Variants in UNC5D observed in about 807,000 individuals in gnomAD.
The protein encoded by UNC5D is unc-5 netrin receptor D.
Under a neutral mutation model 105.4 loss-of-function variants are expected in UNC5D, and 39 were observed. The ratio of observed to expected loss-of-function variants is 0.37; its 90% CI spans 0.29 to 0.48. The LOEUF (loss-of-function observed/expected upper bound fraction) is 0.48, where lower values mean the gene tolerates loss of function less well. UNC5D is among the 20% of genes least tolerant of loss of function. The pLI is 0.98. For synonymous variants in UNC5D, 452 were observed against 450.4 expected (o/e 1.00, Z -0.04); for missense variants, 991 against 1,202.4 (o/e 0.82, Z 2.60).
chr8:35,264,624 G>T (rs1388581452), intron 1 of UNC5D, among the ~76,000 whole-genome samples: 1 of 151,964 alleles, frequency 6.6e-6, no homozygotes, highest in Non-Finnish European at 1.5e-5. Context: ...CAGCTACTTG[G>T]GAGACTGAGA....
chr8:35,511,605 CAAT>C (rs1459540644), intron 1 of UNC5D, among the ~76,000 whole-genome samples: 2 of 151,054 alleles, frequency 1.3e-5, no homozygotes, highest in Admixed American at 6.6e-5. Context: ...GAAGGCCTCA[CAAT>C]AATAAGTGGT....
intron 1 of UNC5D, among the ~76,000 whole-genome samples, chr8:35,389,135 G>T (rs918166916): frequency 1.3e-5 from 2 of 152,172 alleles, no homozygotes; most frequent in East Asian, 3.9e-4. Context: ...CACTACATGT[G>T]TATCACAACC....
chr8:35,414,909 C>G (rs1275889553), intron 1 of UNC5D, among the ~76,000 whole-genome samples: 1 of 152,022 alleles, frequency 6.6e-6, no homozygotes, highest in Non-Finnish European at 1.5e-5. Context: ...CATTATTTTT[C>G]TCTATTTTTT....
rs114356234 is a variant in UNC5D at position 35,473,596 on chromosome 8, A to T, written c.104-75696A>T. ...TCCAAGAATTATGTGAAGCACATCT[A>T]ATCATTCACCTTGTTAAGTCAGTGT... On this transcript the variant is annotated intron_variant, in intron 1 of 16. Coordinates refer to ENST00000404895, the MANE Select transcript of UNC5D (RefSeq NM_080872.4). 4.1e-3 allele frequency among the ~76,000 whole-genome samples: 629 copies of T among 152,282 alleles called. 8 individuals carry two copies. Among genetic ancestry groups the T allele is most frequent in the African/African-American group, 0.014 (593 of 41,562 alleles).
chr8:35,760,381 A>G (rs1319557901), intron 14 of UNC5D, among the ~76,000 whole-genome samples: 1 of 152,006 alleles, frequency 6.6e-6, no homozygotes, highest in East Asian at 1.9e-4. Flanking sequence ...ATAAATATCT[A>G]AAGATACTTA....
intron 4 of UNC5D, among the ~76,000 whole-genome samples, chr8:35,637,112 A>G (rs1822428015): frequency 6.6e-6 from 1 of 152,202 alleles, no homozygotes; most frequent in Non-Finnish European, 1.5e-5. Flanking sequence ...TTCCAAGTAG[A>G]GGTGCAATCA....
chr8:35,294,297 C>T (rs959140409), intron 1 of UNC5D, among the ~76,000 whole-genome samples: 3 of 152,146 alleles, frequency 2.0e-5, no homozygotes, highest in African/African-American at 7.2e-5. Flanking sequence ...GTACTTTCTC[C>T]TCCAGACTAG....
chr8:35,776,171 A>G (rs1161499698), intron 16 of UNC5D, among the ~76,000 whole-genome samples: 1 of 152,226 alleles, frequency 6.6e-6, no homozygotes, highest in Non-Finnish European at 1.5e-5. Context: ...TGGTTCTGCT[A>G]CCAATACCAG....
intron 1 of UNC5D, among the ~76,000 whole-genome samples, chr8:35,490,510 C>G (rs1811141235): frequency 6.6e-6 from 1 of 151,848 alleles, no homozygotes. Flanking sequence ...GGTGACAGAG[C>G]AAGACCCTAT....
In UNC5D at chr8:35,512,543, A is replaced by G. The variant is rs1280349917; in HGVS notation, c.104-36749A>G. ...ATTATATATTCAGATATGTATGTAT[A>G]TATATATATATATATATATATATAT... On this transcript the variant is annotated intron_variant, in intron 1 of 16. Transcript: ENST00000404895. Among the ~76,000 whole-genome samples, 39 of 65,776 alleles carry G rather than the reference A, an allele frequency of 5.9e-4. 2 individuals are homozygous for G. The highest frequency in any genetic ancestry group is 2.7e-3 in the African/African-American group (27 of 9,842). The allele number at this position is 65,776 out of a possible 152,430, so 43.2% of individuals were successfully genotyped here. A position where few individuals can be genotyped will look rare whatever the true frequency, so the allele number is the denominator to read the frequency against.
intron 15 of UNC5D, among the ~76,000 whole-genome samples, chr8:35,772,647 G>A (rs1345481060): frequency 5.3e-5 from 8 of 152,276 alleles, no homozygotes; most frequent in African/African-American, 1.9e-4. Flanking sequence ...CTCAATCCCA[G>A]ATCTGATGCT....
chr8:35,269,215 CAA>C (rs913404661), intron 1 of UNC5D, among the ~76,000 whole-genome samples: 5 of 152,028 alleles, frequency 3.3e-5, no homozygotes, highest in African/African-American at 1.2e-4. Flanking sequence ...CAAAACAAAA[CAA>C]AAAATGATAT....
At chr8:35,571,322 A>G (rs1277993651) in intron 3 of UNC5D, among the ~76,000 whole-genome samples, 1 of 152,254 alleles carries the variant, frequency 6.6e-6, no homozygotes, top group Non-Finnish European at 1.5e-5. Flanking sequence ...TCTGAATATT[A>G]TTAAAGCCTA....
chr8:35,534,182 A>G (rs1300213189), intron 1 of UNC5D, among the ~76,000 whole-genome samples: 1 of 152,164 alleles, frequency 6.6e-6, no homozygotes, highest in Non-Finnish European at 1.5e-5. Flanking sequence ...CTGGAATTGT[A>G]TAATATTATA....
chr8:35,441,225 C>A (rs902026499), intron 1 of UNC5D, among the ~76,000 whole-genome samples: 6 of 151,964 alleles, frequency 3.9e-5, no homozygotes, highest in Middle Eastern at 3.2e-3. Context: ...TCCATGGTTT[C>A]TCTTTCCTAG....
chr8:35,789,895 AACACACACACACACACACACAC>A (rs56702865), intron 16 of UNC5D, among the ~76,000 whole-genome samples: 1 of 142,680 alleles, frequency 7.0e-6, no homozygotes, highest in African/African-American at 2.6e-5. Flanking sequence ...TCAAGAAGAA[AACACACACACACACACACACAC>A]ACACACACAC....
intron 1 of UNC5D, among the ~76,000 whole-genome samples, chr8:35,298,612 A>G (rs181279307): frequency 1.0e-5 from 1 of 95,812 alleles, no homozygotes; most frequent in African/African-American, 4.2e-5. Context: ...TTTTTTGGAT[A>G]CTGCAAGGCG....
intron 1 of UNC5D, among the ~76,000 whole-genome samples, chr8:35,499,674 G>T (rs1406940659): frequency 6.6e-6 from 1 of 152,168 alleles, no homozygotes; most frequent in East Asian, 1.9e-4. Flanking sequence ...AGCTTAGAGG[G>T]AGGAATAGGG....
At chr8:35,283,830 C>T (rs944150128) in intron 1 of UNC5D, among the ~76,000 whole-genome samples, 2 of 151,506 alleles carry the variant, frequency 1.3e-5, no homozygotes, top group African/African-American at 4.8e-5. Flanking sequence ...ATACCCACGT[C>T]CTAACTTCAG....
Sources: allele counts gnomAD v4.1 joint callset (sites outside exome capture counted in the v4.1 genomes callset), GRCh38; gene constraint gnomAD v4.1.1; transcripts MANE v1.5; gene names NCBI Gene and HGNC (gene_info 2026-07-23, HGNC 2026-07-21).